Variants in ADAMTS18 observed in about 807,000 individuals in gnomAD.
ADAMTS18 encodes A disintegrin and metalloproteinase with thrombospondin motifs 18.
Under a neutral mutation model 165.9 loss-of-function variants are expected in ADAMTS18, and 157 were observed. That is an observed-to-expected ratio of 0.95 (90% CI 0.83 to 1.08). ADAMTS18 has a LOEUF of 1.08. Among genes scored for constraint, ADAMTS18 ranks in the 50% least tolerant of loss-of-function variants. The probability of loss-of-function intolerance (pLI) is 0.00; values close to 1 mark genes in which losing one functional copy is unlikely to be tolerated. For synonymous variants in ADAMTS18, 782 were observed against 578.2 expected (o/e 1.35, Z -5.06); for missense variants, 2,040 against 1,534.0 (o/e 1.33, Z -5.51).
At chr16:77,329,541 T>C (rs2056153375) in intron 12 of ADAMTS18, among the ~76,000 whole-genome samples, 1 of 152,202 alleles carries the variant, frequency 6.6e-6, no homozygotes, top group Non-Finnish European at 1.5e-5. Context: ...TAGGGCAGTA[T>C]CTAGGGCAGA....
At chr16:77,334,185 T>C (rs191447995) in intron 12 of ADAMTS18, among the ~76,000 whole-genome samples, 2,684 of 29,816 alleles carry the variant, frequency 0.09, 341 homozygotes, top group Non-Finnish European at 0.11. Flanking sequence ...ATATAATATA[T>C]AGTGTTATAT....
In ADAMTS18 at chr16:77,353,798, C is replaced by G; in HGVS notation, c.1549G>C (p.Ala517Pro). 6.2e-7 allele frequency: 1 copy of G among 1,614,146 alleles called. No individual in the cohort carries two copies. Among genetic ancestry groups the G allele is most frequent in the Non-Finnish European group, 8.5e-7 (1 of 1,180,024 alleles). ...AATTGCCATTTACACTGTGTGTCAG[C>G]ATCATAAATCTGTCCTGGTAGTTTG... is the stretch of plus-strand genomic sequence containing the variant. ...PDKLPGQIYD[A>P]DTQCKWQFGA... Residue 517 changes from alanine (A) to proline (P), a missense_variant, in exon 10 of 23, where the codon GCT becomes CCT. Coordinates refer to ENST00000282849, the MANE Select transcript of ADAMTS18 (RefSeq NM_199355.4).
intron 3 of ADAMTS18, among the ~76,000 whole-genome samples, chr16:77,372,052 T>C (rs899051516): frequency 6.6e-6 from 1 of 152,046 alleles, no homozygotes; most frequent in African/African-American, 2.4e-5. Flanking sequence ...TTCAGGGAAA[T>C]GCAAATCAAA....
chr16:77,429,247 A>G (rs191451368), intron 3 of ADAMTS18, among the ~76,000 whole-genome samples: 2 of 152,364 alleles, frequency 1.3e-5, no homozygotes, highest in Admixed American at 1.3e-4. Flanking sequence ...ATGGAATACT[A>G]TGCAACCATA....
intron 16 of ADAMTS18, among the ~76,000 whole-genome samples, chr16:77,317,112 T>C (rs1462797085): frequency 1.3e-5 from 2 of 152,202 alleles, no homozygotes; most frequent in Admixed American, 1.3e-4. Flanking sequence ...AGTCTGTTTT[T>C]TTATCTCATA....
At chr16:77,325,446 G>T (rs2056076325) in intron 13 of ADAMTS18, among the ~76,000 whole-genome samples, 1 of 151,982 alleles carries the variant, frequency 6.6e-6, no homozygotes, top group Admixed American at 6.6e-5. Flanking sequence ...CTACACACAG[G>T]CCTTCCCATG....
chr16:77,355,409 G>A (rs1352129055), intron 9 of ADAMTS18, among the ~76,000 whole-genome samples: 1 of 152,038 alleles, frequency 6.6e-6, no homozygotes, highest in African/African-American at 2.4e-5. Flanking sequence ...AAACATAATA[G>A]TCAAAGAAGA....
intron 16 of ADAMTS18, among the ~76,000 whole-genome samples, chr16:77,301,940 TA>T (rs35810036): frequency 0.21 from 30,997 of 146,630 alleles, 3,870 homozygotes; most frequent in East Asian, 0.38. Context: ...CAGTTGCCAA[TA>T]AAAAAAAATC....
At chr16:77,341,409 G>C (rs1273595286) in intron 11 of ADAMTS18, among the ~76,000 whole-genome samples, 1 of 152,058 alleles carries the variant, frequency 6.6e-6, no homozygotes, top group African/African-American at 2.4e-5. Flanking sequence ...AAGTTTAAAA[G>C]GAAAATGGTA....
intron 3 of ADAMTS18, among the ~76,000 whole-genome samples, chr16:77,417,225 T>C (rs1473717058): frequency 1.3e-5 from 2 of 152,032 alleles, no homozygotes; most frequent in African/African-American, 4.8e-5. Flanking sequence ...TACAGTAGGC[T>C]GAGAAAAATG....
At chr16:77,339,933 T>C (rs2056373517) in intron 11 of ADAMTS18, among the ~76,000 whole-genome samples, 1 of 152,226 alleles carries the variant, frequency 6.6e-6, no homozygotes, top group Non-Finnish European at 1.5e-5. Flanking sequence ...GCCTCTGATG[T>C]TGGCCTCTCT....
intron 11 of ADAMTS18, among the ~76,000 whole-genome samples, chr16:77,336,881 G>T (rs1348700849): frequency 2.6e-5 from 4 of 152,210 alleles, no homozygotes; most frequent in African/African-American, 9.6e-5. Flanking sequence ...TTTTCTAAAA[G>T]CCTCTGCAAT....
chr16:77,427,986 T>C (rs1270392524), intron 3 of ADAMTS18, among the ~76,000 whole-genome samples: 2 of 152,220 alleles, frequency 1.3e-5, no homozygotes, highest in Non-Finnish European at 2.9e-5. Context: ...GGGACTTCTC[T>C]AGCAGACAAG....
At chr16:77,372,565 TG>T (rs1232573571) in intron 3 of ADAMTS18, among the ~76,000 whole-genome samples, 1 of 152,234 alleles carries the variant, frequency 6.6e-6, no homozygotes, top group Non-Finnish European at 1.5e-5. Flanking sequence ...ACCTGAGTCC[TG>T]GTCCTGTTTC....
chr16:77,341,821 G>A (rs529815792), intron 10 of ADAMTS18, 22 bp from the exon 11 acceptor site: 2 of 1,566,072 alleles, frequency 1.3e-6, no homozygotes, highest in Non-Finnish European at 1.8e-6. Flanking sequence ...AAAAAGGGGG[G>A]TGCTGTTAAT....
rs1396961902 is a variant in ADAMTS18 at position 77,282,289 on chromosome 16, A to G, written c.*1667T>C. On this transcript the variant is annotated 3_prime_UTR_variant, in exon 23 of 23. Coordinates refer to ENST00000282849, the MANE Select transcript of ADAMTS18 (RefSeq NM_199355.4). ...GAGAACACATAATAGGCTATTAATT[A>G]ATAAATTAATTTTCCATAAAATAAT... 6.6e-6 allele frequency: 1 copy of G among 152,166 alleles called. No homozygotes were observed. Among genetic ancestry groups the G allele is most frequent in the Non-Finnish European group, 1.5e-5 (1 of 68,026 alleles). 9.4% of individuals were successfully genotyped at this position (152,166 alleles called of 1,614,324 possible).
intron 12 of ADAMTS18, among the ~76,000 whole-genome samples, chr16:77,332,882 T>TGG (rs781471526): frequency 1.3e-5 from 2 of 152,180 alleles, no homozygotes; most frequent in Non-Finnish European, 2.9e-5. Context: ...TTTTTAAAAT[T>TGG]GGGAAATTTC....
chr16:77,343,321 G>A (rs140602356), intron 10 of ADAMTS18, among the ~76,000 whole-genome samples: 3 of 152,130 alleles, frequency 2.0e-5, no homozygotes, highest in Admixed American at 1.3e-4. Context: ...TGATCTGCCC[G>A]CCTTGGCCTC....
At chr16:77,323,125 T>G (rs775732864) in intron 13 of ADAMTS18, among the ~76,000 whole-genome samples, 3 of 151,510 alleles carry the variant, frequency 2.0e-5, no homozygotes, top group Non-Finnish European at 4.4e-5. Context: ...AGGCAAAAAT[T>G]AAAAAAAAAT....
Sources: gnomAD v4.1 joint callset for allele counts (sites outside exome capture counted in the v4.1 genomes callset) on GRCh38, gnomAD v4.1.1 for gene constraint, MANE v1.5 for transcripts, NCBI Gene and HGNC (gene_info 2026-07-23, HGNC 2026-07-21) for gene names.